Variants in DOCK3 observed in about 807,000 individuals in gnomAD.
DOCK3 encodes dedicator of cytokinesis 3.
In DOCK3, 60 loss-of-function variants were observed where a neutral mutation model predicts 265.6. The ratio of observed to expected loss-of-function variants is 0.23; its 90% CI spans 0.18 to 0.28. DOCK3 has a LOEUF of 0.28. DOCK3 is among the 10% of genes least tolerant of loss of function. DOCK3 has a pLI of 1.00. For synonymous variants in DOCK3, 881 were observed against 938.0 expected (o/e 0.94, Z 1.11); for missense variants, 1,981 against 2,594.3 (o/e 0.76, Z 5.14).
chr3:51,294,799 G>A (rs1576686797), intron 27 of DOCK3, among the ~76,000 whole-genome samples: 1 of 151,856 alleles, frequency 6.6e-6, no homozygotes, highest in East Asian at 1.9e-4. Context: ...GTCAGTGGGT[G>A]CAAAGTTTCA....
intron 22 of DOCK3, among the ~76,000 whole-genome samples, chr3:51,249,102 G>GC (rs2079010368): frequency 6.7e-6 from 1 of 148,634 alleles, no homozygotes; most frequent in Non-Finnish European, 1.5e-5. Flanking sequence ...GAGGGAGGTG[G>GC]GGGGGGTCAG....
intron 26 of DOCK3, among the ~76,000 whole-genome samples, chr3:51,279,713 C>T (rs571389914): frequency 6.6e-6 from 1 of 152,148 alleles, no homozygotes; most frequent in Non-Finnish European, 1.5e-5. Context: ...CCAGCAGGAT[C>T]GGCAGAGTCC....
intron 27 of DOCK3, among the ~76,000 whole-genome samples, chr3:51,295,153 T>C (rs1996331): frequency 0.82 from 125,074 of 152,252 alleles, 51,968 homozygotes; most frequent in Middle Eastern, 0.9. Flanking sequence ...TACCTGAGGC[T>C]GATTAGTTTA....
chr3:50,981,680 C>A (rs74610908), intron 5 of DOCK3, among the ~76,000 whole-genome samples: 1 of 152,136 alleles, frequency 6.6e-6, no homozygotes, highest in African/African-American at 2.4e-5. Flanking sequence ...AACTGACCCC[C>A]TTTTCATTGT....
At chr3:51,040,740 A>C (rs1406806614) in intron 5 of DOCK3, among the ~76,000 whole-genome samples, 1 of 152,172 alleles carries the variant, frequency 6.6e-6, no homozygotes, top group Non-Finnish European at 1.5e-5. Flanking sequence ...TAATATTCTA[A>C]ATCTTTTGTT....
intron 2 of DOCK3, among the ~76,000 whole-genome samples, chr3:50,823,305 G>A (rs12494708): frequency 0.088 from 13,443 of 152,124 alleles, 1,216 homozygotes; most frequent in East Asian, 0.33. Context: ...GGACCCTGCG[G>A]CCTTCCGGCC....
chr3:51,351,764 C>A (rs572498783), intron 40 of DOCK3, among the ~76,000 whole-genome samples: 2 of 149,268 alleles, frequency 1.3e-5, no homozygotes, highest in East Asian at 4.0e-4. Flanking sequence ...TCAAGCGATT[C>A]TTCTACCTCA....
At chr3:50,731,569 T>A (rs1358216185) in intron 1 of DOCK3, among the ~76,000 whole-genome samples, 1 of 144,208 alleles carries the variant, frequency 6.9e-6, no homozygotes, top group African/African-American at 2.6e-5. Context: ...AAGGTATTTT[T>A]AAAAATAAAT....
intron 2 of DOCK3, among the ~76,000 whole-genome samples, chr3:50,818,269 C>T (rs1317526671): frequency 6.6e-6 from 1 of 152,246 alleles, no homozygotes; most frequent in Non-Finnish European, 1.5e-5. Flanking sequence ...CCATACCGTA[C>T]TCAGGCCTCC....
At chr3:51,260,670 TA>T (rs1195901297) in intron 23 of DOCK3, among the ~76,000 whole-genome samples, 1 of 152,214 alleles carries the variant, frequency 6.6e-6, no homozygotes, top group Admixed American at 6.5e-5. Context: ...TGGGGAATTT[TA>T]TTTCCAGATT....
chr3:51,296,168 C>T (rs2082068173), intron 27 of DOCK3, among the ~76,000 whole-genome samples: 1 of 152,102 alleles, frequency 6.6e-6, no homozygotes, highest in South Asian at 2.1e-4. Context: ...ATCTATAGTT[C>T]TATACACCAG....
intron 51 of DOCK3, among the ~76,000 whole-genome samples, chr3:51,376,359 G>C (rs999070649): frequency 2.0e-5 from 3 of 152,150 alleles, no homozygotes; most frequent in Non-Finnish European, 4.4e-5. Context: ...AGCCACTCTG[G>C]CCAGCAGCTG....
chr3:50,956,788 C>T (rs777277083), intron 5 of DOCK3, among the ~76,000 whole-genome samples: 1 of 152,268 alleles, frequency 6.6e-6, no homozygotes, highest in African/African-American at 2.4e-5. Flanking sequence ...TTAAAATGAA[C>T]AAATTCACAG....
intron 23 of DOCK3, among the ~76,000 whole-genome samples, chr3:51,262,349 AAACAGAAAGGAATAGCATC>A (rs2079901339): frequency 6.6e-6 from 1 of 152,242 alleles, no homozygotes; most frequent in Admixed American, 6.5e-5. Flanking sequence ...AAAAACTAAC[AAACAGAAAGGAATAGCATC>A]AACATCAACA....
At position 51,090,154 on chromosome 3, in the gene DOCK3, T is replaced by G. The variant is rs574740148; in HGVS notation, c.592-76T>G. 1.5e-5 allele frequency: 21 copies of G among 1,411,474 alleles called. No individual in the cohort carries two copies. The African/African-American group carries it at 2.8e-4, about 19-fold the overall frequency. The allele number at this position is 1,411,474 out of a possible 1,614,324, so 87.4% of individuals were successfully genotyped here. ...CAGTAGTGTGAAAAGAGTTTGTAAT[T>G]TAGTTTCCACTTTTTAATGATCAAT... On this transcript the variant is annotated intron_variant, in intron 8 of 52. Coordinates refer to ENST00000266037, the MANE Select transcript of DOCK3 (RefSeq NM_004947.5).
At chr3:51,062,440 C>T (rs2081442179) in intron 5 of DOCK3, among the ~76,000 whole-genome samples, 1 of 152,182 alleles carries the variant, frequency 6.6e-6, no homozygotes, top group African/African-American at 2.4e-5. Context: ...ATGTTGCCAC[C>T]TTACTTCATT....
At chr3:51,170,292 AT>A (rs76007126) in intron 12 of DOCK3, among the ~76,000 whole-genome samples, 10,967 of 150,352 alleles carry the variant, frequency 0.073, 988 homozygotes, top group East Asian at 0.32. Flanking sequence ...CCTTCACTTC[AT>A]TTTTTTTTGC....
intron 2 of DOCK3, among the ~76,000 whole-genome samples, chr3:50,781,814 G>A (rs1235648993): frequency 1.3e-5 from 2 of 152,034 alleles, no homozygotes; most frequent in African/African-American, 4.8e-5. Flanking sequence ...AGTGTCTGTT[G>A]TTGCCCTCTG....
chr3:51,269,353 G>T (rs1403525008), intron 23 of DOCK3, among the ~76,000 whole-genome samples: 1 of 151,948 alleles, frequency 6.6e-6, no homozygotes, highest in Non-Finnish European at 1.5e-5. Context: ...GTTACTGTTT[G>T]TTATTGATTA....
Sources: allele counts gnomAD v4.1 joint callset (sites outside exome capture counted in the v4.1 genomes callset), GRCh38; gene constraint gnomAD v4.1.1; transcripts MANE v1.5; gene names NCBI Gene and HGNC (gene_info 2026-07-23, HGNC 2026-07-21).